The following CALN1 variants were observed in gnomAD, a reference collection of about 807,000 sequenced individuals.
CALN1 encodes the protein calcium-binding protein 8.
CALN1 carries 17 observed loss-of-function variants against 30.6 expected under a neutral mutation model. That is an observed-to-expected ratio of 0.56 (90% CI 0.38 to 0.83). The LOEUF is 0.83. Among genes scored for constraint, CALN1 ranks in the 40% least tolerant of loss-of-function variants. The pLI is 0.00. For synonymous variants in CALN1, 156 were observed against 131.4 expected, an observed-to-expected ratio of 1.19 and a Z score of -1.28; for missense variants, 291 against 354.9, an observed-to-expected ratio of 0.82 and a Z score of 1.45.
intron 2 of CALN1, among the ~76,000 whole-genome samples, chr7:72,374,721 A>G (rs1804449546): frequency 6.6e-6 from 1 of 152,150 alleles, no homozygotes; most frequent in Non-Finnish European, 1.5e-5. Context: ...CTTTCCAATT[A>G]TATCCAAAAT....
chr7:72,111,517 G>C (rs572434138), intron 3 of CALN1, among the ~76,000 whole-genome samples: 5 of 152,154 alleles, frequency 3.3e-5, no homozygotes, highest in Admixed American at 3.3e-4. Context: ...AAGTGCAGTG[G>C]CACCATGATA....
intron 5 of CALN1, among the ~76,000 whole-genome samples, chr7:71,881,265 G>C (rs1417080732): frequency 6.6e-6 from 1 of 150,930 alleles, no homozygotes. Context: ...ACTGGGACTG[G>C]CTTCCTTGCT....
intron 3 of CALN1, among the ~76,000 whole-genome samples, chr7:72,154,133 T>C (rs976386168): frequency 1.8e-4 from 27 of 151,784 alleles, no homozygotes; most frequent in Admixed American, 1.3e-4. Flanking sequence ...AAGGCTGGGA[T>C]TGGGAAAATA....
At chr7:71,855,782 C>G (rs1464380445) in intron 5 of CALN1, among the ~76,000 whole-genome samples, 1 of 152,166 alleles carries the variant, frequency 6.6e-6, no homozygotes, top group Non-Finnish European at 1.5e-5. Context: ...GCCTTCCTGT[C>G]AACTCTGTGA....
At chr7:72,248,012 A>G (rs1795308562) in intron 3 of CALN1, among the ~76,000 whole-genome samples, 1 of 152,198 alleles carries the variant, frequency 6.6e-6, no homozygotes, top group Non-Finnish European at 1.5e-5. Flanking sequence ...AACAACAAAG[A>G]AAAACACAAA....
chr7:71,971,516 A>G (rs1268314368), intron 5 of CALN1, among the ~76,000 whole-genome samples: 1 of 152,184 alleles, frequency 6.6e-6, no homozygotes, highest in Non-Finnish European at 1.5e-5. Flanking sequence ...TGTGCAAAGT[A>G]TGAAACTAAG....
At chr7:72,037,246 G>A (rs1801855895) in intron 4 of CALN1, among the ~76,000 whole-genome samples, 1 of 152,146 alleles carries the variant, frequency 6.6e-6, no homozygotes, top group African/African-American at 2.4e-5. Context: ...CACCTCCTGG[G>A]TTCGCACTAT....
chr7:72,289,232 TA>T (rs1300735289), intron 2 of CALN1, among the ~76,000 whole-genome samples: 1 of 152,238 alleles, frequency 6.6e-6, no homozygotes, highest in Non-Finnish European at 1.5e-5. Context: ...CAAATCTCTT[TA>T]TTCTCTTTTT....
intron 4 of CALN1, among the ~76,000 whole-genome samples, chr7:72,084,041 T>A (rs1055703773): frequency 9.9e-5 from 15 of 151,458 alleles, no homozygotes; most frequent in African/African-American, 3.6e-4. Context: ...AAACCCTGTC[T>A]CTACTAAAAA....
intron 5 of CALN1, among the ~76,000 whole-genome samples, chr7:71,937,623 T>C (rs1270055176): frequency 2.6e-5 from 4 of 151,700 alleles, no homozygotes; most frequent in Admixed American, 2.6e-4. Flanking sequence ...GGGCTACAAG[T>C]GTGTACCATT....
At chr7:72,251,723 C>A (rs965733048) in intron 3 of CALN1, among the ~76,000 whole-genome samples, 8 of 152,068 alleles carry the variant, frequency 5.3e-5, no homozygotes, top group Admixed American at 3.9e-4. Context: ...GTGTTTATGG[C>A]ATCTAATAGA....
chr7:71,996,215 A>G (rs1410613611), intron 5 of CALN1, among the ~76,000 whole-genome samples: 1 of 152,236 alleles, frequency 6.6e-6, no homozygotes, highest in African/African-American at 2.4e-5. Context: ...AAAAGAAAAG[A>G]TTTAAATAGA....
intron 3 of CALN1, among the ~76,000 whole-genome samples, chr7:72,111,114 T>C (rs1807543769): frequency 6.6e-6 from 1 of 152,200 alleles, no homozygotes; most frequent in Non-Finnish European, 1.5e-5. Context: ...TAATTAAACT[T>C]TACTCCTCCA....
At chr7:71,919,172 T>TG (rs1794818435) in intron 5 of CALN1, among the ~76,000 whole-genome samples, 1 of 152,222 alleles carries the variant, frequency 6.6e-6, no homozygotes, top group African/African-American at 2.4e-5. Context: ...ACAGGCATCT[T>TG]ATCTTCAGAC....
At chr7:72,312,942 C>G (rs1446485745) in intron 2 of CALN1, among the ~76,000 whole-genome samples, 1 of 151,998 alleles carries the variant, frequency 6.6e-6, no homozygotes, top group Non-Finnish European at 1.5e-5. Context: ...TCAAATGATT[C>G]TCCTGCCTCA....
At chr7:72,224,659 T>C (rs1434096685) in intron 3 of CALN1, among the ~76,000 whole-genome samples, 3 of 151,978 alleles carry the variant, frequency 2.0e-5, no homozygotes, top group Non-Finnish European at 2.9e-5. Flanking sequence ...CCAGTGCCTG[T>C]AATCCCAGCT....
At chr7:72,206,161 C>T (rs1272734905) in intron 3 of CALN1, among the ~76,000 whole-genome samples, 2 of 152,060 alleles carry the variant, frequency 1.3e-5, no homozygotes, top group African/African-American at 2.4e-5. Flanking sequence ...ATTCTTCAGA[C>T]GAATTTTAGA....
chr7:72,391,305 C>T (rs1805563982), intron 2 of CALN1, among the ~76,000 whole-genome samples: 1 of 152,178 alleles, frequency 6.6e-6, no homozygotes, highest in Non-Finnish European at 1.5e-5. Flanking sequence ...AAGAGATAAA[C>T]ACTCTTCAAA....
In CALN1 at chr7:72,441,798, G is replaced by A. The variant is rs74896073; in HGVS notation, c.-226+5244C>T. Among the ~76,000 whole-genome samples the A allele has an allele frequency of 4.9e-3, 745 of 151,912 alleles. 7 individuals carry two copies. Among genetic ancestry groups the A allele is most frequent in the Non-Finnish European group, 7.4e-3 (500 of 67,938 alleles). ...GCTGTGATGCCTCAGAACTCAGTTC[G>A]TCGTCTCTTCCATCTCCTGATGATC... On this transcript the variant is annotated intron_variant, in intron 1 of 6. Coordinates refer to the CALN1 transcript ENST00000395276.
Sources: gnomAD v4.1 joint callset for allele counts (sites outside exome capture counted in the v4.1 genomes callset) on GRCh38, gnomAD v4.1.1 for gene constraint, MANE v1.5 for transcripts, NCBI Gene and HGNC (gene_info 2026-07-23, HGNC 2026-07-21) for gene names.